The following WHRN variants were observed in gnomAD, a reference collection of about 807,000 sequenced individuals.
The protein encoded by WHRN is whirlin.
WHRN carries 41 observed loss-of-function variants against 68.3 expected under a neutral mutation model. That is an observed-to-expected ratio of 0.60 (90% CI 0.47 to 0.78). The LOEUF is 0.78. Among genes scored for constraint, WHRN ranks in the 30% least tolerant of loss-of-function variants. The pLI, the probability that WHRN is intolerant of heterozygous loss-of-function variation, is 0.00. For synonymous variants in WHRN, 560 were observed against 561.3 expected (o/e 1.00, Z 0.03); for missense variants, 1,243 against 1,244.7 (o/e 1.00, Z 0.02).
At chr9:114,418,079 A>G (rs965266574) in intron 7 of WHRN, among the ~76,000 whole-genome samples, 2 of 152,192 alleles carry the variant, frequency 1.3e-5, no homozygotes, top group Admixed American at 6.5e-5. Context: ...GAGGGCTTCC[A>G]CGTGGAGGAG....
chr9:114,441,489 G>A (rs934584637), intron 3 of WHRN, among the ~76,000 whole-genome samples: 24 of 152,150 alleles, frequency 1.6e-4, no homozygotes, highest in Non-Finnish European at 2.6e-4. Context: ...AAATATCATG[G>A]CCTAGTGGAG....
chr9:114,478,699 T>C lies in WHRN; in HGVS notation c.691A>G (p.Asn231Asp). 1 of 1,612,970 alleles carries C rather than the reference T, an allele frequency of 6.2e-7. No homozygotes were observed. The highest frequency in any genetic ancestry group is 2.2e-5 in the East Asian group (1 of 44,874). The change falls in exon 2 of 12, where the codon AAC becomes GAC. Residue 231 changes from asparagine to aspartate, a missense_variant. Coordinates refer to ENST00000362057, the MANE Select transcript of WHRN (RefSeq NM_015404.4). Reference sequence around the variant, plus strand: ...GGGTCCACCCAGGTGTAGATGTGGTTGGTGACGTAGCCCCCAGGGATGCGC... The same window carrying C: ...GGGTCCACCCAGGTGTAGATGTGGTCGGTGACGTAGCCCCCAGGGATGCGC... ...AGRIPGGYVTNHIYTWVDPQG... is the reference protein window; with the variant it reads ...AGRIPGGYVTDHIYTWVDPQG...
chr9:114,422,341 C>A (rs950511346), intron 7 of WHRN, among the ~76,000 whole-genome samples: 2 of 152,250 alleles, frequency 1.3e-5, no homozygotes, highest in Non-Finnish European at 2.9e-5. Flanking sequence ...CAAGCCAGCT[C>A]TCCTGACCTC....
At chr9:114,415,148 A>C (rs1462459556) in intron 7 of WHRN, among the ~76,000 whole-genome samples, 1 of 152,020 alleles carries the variant, frequency 6.6e-6, no homozygotes, top group Non-Finnish European at 1.5e-5. Context: ...AAAATGTAAA[A>C]ATTAGCTGTG....
intron 1 of WHRN, among the ~76,000 whole-genome samples, chr9:114,496,396 G>A (rs529027335): frequency 5.3e-5 from 8 of 152,248 alleles, no homozygotes; most frequent in East Asian, 1.9e-4. Flanking sequence ...GAGCAATTAC[G>A]TTTTTAAAGA....
intron 1 of WHRN, among the ~76,000 whole-genome samples, chr9:114,498,830 G>A (rs1843680464): frequency 6.6e-6 from 1 of 152,028 alleles, no homozygotes. Flanking sequence ...CCATCTCCTT[G>A]AGCATGACCC....
At position 114,423,406 on chromosome 9, in the gene WHRN, C is replaced by T. The variant is rs368452983; in HGVS notation, c.1534G>A (p.Gly512Arg). 1.7e-5 allele frequency: 28 copies of T among 1,613,948 alleles called. 1 individual carries two copies. Among genetic ancestry groups the T allele is most frequent in the South Asian group, 9.9e-5 (9 of 91,080 alleles). The part of the protein sequence containing the change: ...SMKARQPPGP[G>R]AGDTYSMVSY... ...ACCATGGAGTAGGTGTCCCCAGCCC[C>T]GGGGCCTGGGGGCTGCCGCGCCTTC... is the stretch of plus-strand genomic sequence containing the variant. Residue 512 changes from glycine to arginine, a missense_variant, in exon 7 of 12, where the codon GGG becomes AGG. Coordinates refer to ENST00000362057, the MANE Select transcript of WHRN (RefSeq NM_015404.4).
Position 114,470,567 on chromosome 9 carries a change from C to T in WHRN, c.838-4175G>A, listed in dbSNP as rs980325307. 3.3e-5 allele frequency among the ~76,000 whole-genome samples: 5 copies of T among 152,086 alleles called. No individual in the cohort carries two copies. In the South Asian group the frequency reaches 1.0e-3, roughly 32 times the overall value. On this transcript the variant is annotated intron_variant, in intron 2 of 11. Coordinates refer to ENST00000362057, the MANE Select transcript of WHRN (RefSeq NM_015404.4). ...GGAGAGGGGTGACTTTGTAGAGATC[C>T]CCCATGAGAAGTGGTGGTCTTACGA...
At chr9:114,443,935 G>C (rs1000756264) in intron 3 of WHRN, among the ~76,000 whole-genome samples, 1 of 152,214 alleles carries the variant, frequency 6.6e-6, no homozygotes. Context: ...CAGCAGGCAA[G>C]AGAGAAATGA....
rs12683286 is a variant in WHRN, at chr9:114,454,631, A to C, written c.963+11636T>G. Among the ~76,000 whole-genome samples, 143 of 152,274 alleles carry C rather than the reference A, an allele frequency of 9.4e-4. 1 individual carries two copies. The East Asian group carries it at 0.025, about 27-fold the overall frequency. On this transcript the variant is annotated intron_variant, in intron 3 of 11. Transcript: ENST00000362057. ...AGACTGAATAGTATGAAGATGTTAAATCTTCTAATTTGATCTAGATTCAAC... is the reference window on the plus strand; with the variant it reads ...AGACTGAATAGTATGAAGATGTTAACTCTTCTAATTTGATCTAGATTCAAC...
rs979422812 is a variant in WHRN, at chr9:114,505,473, T to C, written c.-672A>G. 8 of 152,266 alleles carry C rather than the reference T, an allele frequency of 5.3e-5. No individual in the cohort carries two copies. Among genetic ancestry groups the C allele is most frequent in the Non-Finnish European group, 1.0e-4 (7 of 68,086 alleles). The allele number at this position is 152,266 out of a possible 1,614,324, so 9.4% of individuals were successfully genotyped here. ...ACTGTTGAGCCACCCGGGCCGAGTCTTCCAGCGAGTTCCGACGCCGTCTCG... is the reference window on the plus strand; with the variant it reads ...ACTGTTGAGCCACCCGGGCCGAGTCCTCCAGCGAGTTCCGACGCCGTCTCG... On this transcript the variant is annotated 5_prime_UTR_variant, in exon 1 of 12. Coordinates refer to ENST00000362057, the MANE Select transcript of WHRN (RefSeq NM_015404.4).
intron 1 of WHRN, among the ~76,000 whole-genome samples, chr9:114,496,046 T>G (rs1843429038): frequency 6.7e-6 from 1 of 148,626 alleles, no homozygotes; most frequent in Non-Finnish European, 1.5e-5. Flanking sequence ...AATTACAGGG[T>G]TTTTTTTTTA....
intron 3 of WHRN, among the ~76,000 whole-genome samples, chr9:114,429,054 CT>C (rs1164096233): frequency 6.6e-6 from 1 of 152,126 alleles, no homozygotes; most frequent in East Asian, 1.9e-4. Context: ...CCTCAGCTTC[CT>C]GAGTAGCTGG....
At chr9:114,476,762 G>A (rs758920400) in intron 2 of WHRN, among the ~76,000 whole-genome samples, 9 of 152,134 alleles carry the variant, frequency 5.9e-5, no homozygotes, top group Admixed American at 3.9e-4. Flanking sequence ...TTGCCACAGC[G>A]CTGAGCCTCA....
At chr9:114,479,657 C>A (rs1254919434) in intron 1 of WHRN, among the ~76,000 whole-genome samples, 1 of 152,150 alleles carries the variant, frequency 6.6e-6, no homozygotes, top group African/African-American at 2.4e-5. Context: ...TGCATTATCT[C>A]ATGAAATCCT....
At chr9:114,449,541 A>C (rs1022746928) in intron 3 of WHRN, among the ~76,000 whole-genome samples, 1 of 152,226 alleles carries the variant, frequency 6.6e-6, no homozygotes, top group Non-Finnish European at 1.5e-5. Flanking sequence ...AGGACTAAGC[A>C]TCTCGAATTT....
intron 3 of WHRN, among the ~76,000 whole-genome samples, chr9:114,459,305 A>AAC (rs1840056213): frequency 6.6e-6 from 1 of 150,638 alleles, no homozygotes; most frequent in South Asian, 2.1e-4. Flanking sequence ...TAAAAATACA[A>AAC]AAAAAAAAAT....
At chr9:114,426,821 A>G (rs914722935) in intron 3 of WHRN, among the ~76,000 whole-genome samples, 11 of 152,210 alleles carry the variant, frequency 7.2e-5, no homozygotes, top group African/African-American at 2.7e-4. Flanking sequence ...TGAGGTTTTT[A>G]CCTCAACCAT....
intron 2 of WHRN, among the ~76,000 whole-genome samples, chr9:114,475,990 G>A (rs1841618573): frequency 6.6e-6 from 1 of 152,010 alleles, no homozygotes; most frequent in Non-Finnish European, 1.5e-5. Flanking sequence ...CTTGAGACAG[G>A]AGCTCACTCT....
Sources: gnomAD v4.1 joint callset for allele counts (sites outside exome capture counted in the v4.1 genomes callset) on GRCh38, gnomAD v4.1.1 for gene constraint, MANE v1.5 for transcripts, NCBI Gene and HGNC (gene_info 2026-07-23, HGNC 2026-07-21) for gene names.